ZC3H18: variants seen among roughly 807,000 people sequenced by gnomAD.
The protein encoded by ZC3H18 is zinc finger CCCH-type containing 18.
A neutral mutation model predicts 106.1 loss-of-function variants in ZC3H18; 8 were observed. That is an observed-to-expected ratio of 0.08 (90% CI 0.04 to 0.14). The LOEUF is 0.14. Among genes scored for constraint, ZC3H18 ranks in the 10% least tolerant of loss-of-function variants. ZC3H18 has a pLI of 1.00. For missense variants in ZC3H18, 1,318 were observed against 1,278.4 expected (o/e 1.03, Z -0.47); for synonymous variants, 635 against 522.1 (o/e 1.22, Z -2.95).
intron 6 of ZC3H18, among the ~76,000 whole-genome samples, chr16:88,607,865 T>C (rs1011565767): frequency 9.2e-5 from 14 of 152,246 alleles, no homozygotes; most frequent in Admixed American, 7.9e-4. Flanking sequence ...TCCCCACTTA[T>C]TCACACACAC....
At chr16:88,598,108 C>G (rs1034131115) in intron 3 of ZC3H18, 70 bp from the exon 4 acceptor site, 5 of 345,106 alleles carry the variant, frequency 1.4e-5, no homozygotes, top group South Asian at 6.4e-5. Context: ...TCCCACCCCC[C>G]ACCCCAGCAG....
At chr16:88,625,489 T>C in intron 13 of ZC3H18, 1 of 586,586 alleles carries the variant, frequency 1.7e-6, no homozygotes. Context: ...CAAAAAAAGA[T>C]TCACAAACTC....
chr16:88,595,044 G>C (rs909940466), intron 3 of ZC3H18, among the ~76,000 whole-genome samples: 1 of 152,106 alleles, frequency 6.6e-6, no homozygotes, highest in African/African-American at 2.4e-5. Context: ...CCAGCTACTC[G>C]GGAGGCTGAG....
At chr16:88,593,258 CT>C (rs779536263) in intron 3 of ZC3H18, among the ~76,000 whole-genome samples, 1 of 152,182 alleles carries the variant, frequency 6.6e-6, no homozygotes, top group South Asian at 2.1e-4. Context: ...CCCAGTGATC[CT>C]GGGTCACTGA....
In ZC3H18 at chr16:88,627,539, G is replaced by A. The variant is rs185451501; in HGVS notation, c.2109-83G>A. 1.2e-5 allele frequency: 18 copies of A among 1,516,756 alleles called. No individual in the cohort carries two copies. The highest frequency in any genetic ancestry group is 1.9e-4 in the Middle Eastern group (1 of 5,156). 94.0% of individuals were successfully genotyped at this position (1,516,756 alleles called of 1,614,324 possible). A position where few individuals can be genotyped will look rare whatever the true frequency, so the allele number is the denominator to read the frequency against. ...TACATGATCCATAAATGGACACTGC[G>A]TAAAAGTGGACCATGGAGCACCCCC... is the stretch of plus-strand genomic sequence containing the variant. On this transcript the variant is annotated intron_variant, in intron 13 of 17. Coordinates refer to ENST00000301011, the MANE Select transcript of ZC3H18 (RefSeq NM_144604.4). The surrounding 1 kb of genome is among the most constrained non-coding windows in gnomAD (Gnocchi z 4.5).
At chr16:88,594,022 G>A (rs946654338) in intron 3 of ZC3H18, among the ~76,000 whole-genome samples, 10 of 152,130 alleles carry the variant, frequency 6.6e-5, no homozygotes, top group Non-Finnish European at 1.3e-4. Context: ...TGCTGAGTGC[G>A]GTGTCAGGGA....
At chr16:88,586,767 C>CCAGG in intron 3 of ZC3H18, 83 bp downstream of exon 3, 1 of 1,095,034 alleles carries the variant, frequency 9.1e-7, no homozygotes, top group Admixed American at 1.9e-5. Flanking sequence ...CCTTGCCAGG[C>CCAGG]CCTGCTCTGC....
chr16:88,580,154 ATCTG>A (rs1187343169), intron 2 of ZC3H18, among the ~76,000 whole-genome samples: 1 of 132,026 alleles, frequency 7.6e-6, no homozygotes, highest in African/African-American at 3.0e-5. Context: ...ACACAGGTTC[ATCTG>A]TGTGTGTGTG....
intron 2 of ZC3H18, among the ~76,000 whole-genome samples, chr16:88,585,380 G>A (rs1915375427): frequency 6.6e-6 from 1 of 152,322 alleles, no homozygotes; most frequent in Middle Eastern, 3.4e-3. Context: ...ACTGTTTACT[G>A]TGAGCCAGAT....
chr16:88,624,275 C>T, intron 11 of ZC3H18: 1 of 716,452 alleles, frequency 1.4e-6, no homozygotes, highest in Non-Finnish European at 2.3e-6. Context: ...CTCGGGAACC[C>T]TGGGGACAGA....
At chr16:88,576,717 T>C (rs1344919883) in intron 1 of ZC3H18, among the ~76,000 whole-genome samples, 2 of 152,234 alleles carry the variant, frequency 1.3e-5, no homozygotes, top group Non-Finnish European at 1.5e-5. Flanking sequence ...CGTTCCATGA[T>C]ACAGTTTATC....
At chr16:88,624,842 G>A (rs1906202676) in intron 12 of ZC3H18, 97 bp downstream of exon 12, 2 of 1,464,132 alleles carry the variant, frequency 1.4e-6, no homozygotes, top group Admixed American at 2.7e-5. Flanking sequence ...AGGGTCCAGA[G>A]CCAGGTGGTG....
At chr16:88,619,199 A>T (rs1280822953) in intron 8 of ZC3H18, among the ~76,000 whole-genome samples, 2 of 152,096 alleles carry the variant, frequency 1.3e-5, no homozygotes, top group African/African-American at 4.8e-5. Context: ...GGAGAATGGC[A>T]TGAGGCAGAG....
At chr16:88,609,656 G>A (rs1411732918) in intron 7 of ZC3H18, among the ~76,000 whole-genome samples, 2 of 152,064 alleles carry the variant, frequency 1.3e-5, no homozygotes, top group Non-Finnish European at 2.9e-5. Context: ...CTGGAGTTCA[G>A]TGGCGTGATC....
intron 3 of ZC3H18, among the ~76,000 whole-genome samples, chr16:88,596,264 G>A (rs555124785): frequency 4.2e-4 from 64 of 152,256 alleles, no homozygotes; most frequent in African/African-American, 1.5e-3. Context: ...TAGTAGGTTC[G>A]TAGGTGATGT....
intron 3 of ZC3H18, among the ~76,000 whole-genome samples, chr16:88,589,664 CCA>C (rs1915628761): frequency 6.6e-6 from 1 of 151,710 alleles, no homozygotes; most frequent in Non-Finnish European, 1.5e-5. Flanking sequence ...GGCCACAGAT[CCA>C]CAGAGACAGA....
At chr16:88,625,577 G>A (rs995320953) in intron 13 of ZC3H18, 2 of 384,314 alleles carry the variant, frequency 5.2e-6, no homozygotes, top group African/African-American at 4.1e-5. Flanking sequence ...ACCTGCACCT[G>A]GGGAGGAGCC....
chr16:88,571,297 T>G (rs1457694440), intron 1 of ZC3H18, among the ~76,000 whole-genome samples: 1 of 152,184 alleles, frequency 6.6e-6, no homozygotes, highest in East Asian at 1.9e-4. Flanking sequence ...TTTGCAAGAG[T>G]AGGTCATTCT....
At chr16:88,578,462 T>C (rs145691271) in intron 2 of ZC3H18, among the ~76,000 whole-genome samples, 3 of 152,130 alleles carry the variant, frequency 2.0e-5, no homozygotes, top group African/African-American at 7.2e-5. Context: ...TCCTGAGTGA[T>C]ACTTGCCGGA....
Sources: allele counts gnomAD v4.1 joint callset (sites outside exome capture counted in the v4.1 genomes callset), GRCh38; gene constraint gnomAD v4.1.1; non-coding constraint Gnocchi (gnomAD v3.1); transcripts MANE v1.5; gene names NCBI Gene and HGNC (gene_info 2026-07-23, HGNC 2026-07-21).